The following SLC6A19 variants were observed in gnomAD, a reference collection of about 807,000 sequenced individuals.
SLC6A19 encodes solute carrier family 6 member 19.
Under a neutral mutation model 68.3 loss-of-function variants are expected in SLC6A19, and 67 were observed. That is an observed-to-expected ratio of 0.98 (90% CI 0.81 to 1.20). The LOEUF (loss-of-function observed/expected upper bound fraction) is 1.20. Among genes scored for constraint, SLC6A19 ranks in the 50% most tolerant of loss-of-function variants. The pLI is 0.00. For missense variants in SLC6A19, 813 were observed against 851.6 expected, an observed-to-expected ratio of 0.95 and a Z score of 0.56; for synonymous variants, 392 against 374.9, an observed-to-expected ratio of 1.05 and a Z score of -0.53.
At position 1,222,346 on chromosome 5, in the gene SLC6A19, AC is replaced by A; in HGVS notation, c.*443del. 2.1e-6 allele frequency: 1 copy of A among 483,512 alleles called. No individual in the cohort carries two copies. The highest frequency in any genetic ancestry group is 3.6e-6 in the Non-Finnish European group (1 of 276,954). The allele number at this position is 483,512 out of a possible 1,614,324, so 30.0% of individuals were successfully genotyped here. A position where few individuals can be genotyped will look rare whatever the true frequency, so the allele number is the denominator to read the frequency against. ...CATATGTGTGAACACACACGTGTAT[AC>A]ATGCATGCACATGTGCTCGTACAAT... is the stretch of plus-strand genomic sequence containing the variant. On this transcript the variant is annotated 3_prime_UTR_variant, in exon 12 of 12. Transcript: ENST00000304460.
At position 1,215,486 on chromosome 5, in the gene SLC6A19, C is replaced by T. The variant is rs188869613; in HGVS notation, c.888-1072C>T. ...CTGTGCCTAGTCCGGACATTTCCTG[C>T]GAATGGGGTGGCCACATTGCCACAG... is the stretch of plus-strand genomic sequence containing the variant. On this transcript the variant is annotated intron_variant, in intron 6 of 11. Coordinates refer to ENST00000304460, the MANE Select transcript of SLC6A19 (RefSeq NM_001003841.3). This position sits in a 1 kb window ranked among gnomAD's most constrained non-coding sequence, Gnocchi z 5.1. Among the ~76,000 whole-genome samples, 26 of 152,324 alleles carry T rather than the reference C, an allele frequency of 1.7e-4. No homozygotes were observed. The East Asian group carries it at 4.6e-3, about 27-fold the overall frequency.
intron 8 of SLC6A19, among the ~76,000 whole-genome samples, chr5:1,218,080 C>A (rs568804489): frequency 6.6e-6 from 1 of 152,094 alleles, no homozygotes; most frequent in African/African-American, 2.4e-5. Context: ...CACTGAAGAG[C>A]GGCGTGCCTT....
rs1325505757 is a variant in SLC6A19, at chr5:1,212,854, C to T, written c.663+370C>T. On this transcript the variant is annotated intron_variant, in intron 4 of 11. Transcript: ENST00000304460. This position sits in a 1 kb window ranked among gnomAD's most constrained non-coding sequence, Gnocchi z 5.1. ...TGGAAGAGTAAGGCTTGATCTTCCCCTACATGGGAATCTTTGGTACGAGGT... is the reference window on the plus strand; with the variant it reads ...TGGAAGAGTAAGGCTTGATCTTCCCTTACATGGGAATCTTTGGTACGAGGT... Among the ~76,000 whole-genome samples the T allele has an allele frequency of 6.6e-6, 1 of 152,096 alleles. No individual in the cohort carries two copies. The highest frequency in any genetic ancestry group is 2.4e-5 in the African/African-American group (1 of 41,380).
At position 1,224,002 on chromosome 5, in the gene SLC6A19, C is replaced by A. The variant is rs1199141205; in HGVS notation, c.*2098C>A. The A allele has an allele frequency of 6.6e-6, 1 of 152,298 alleles. No individual in the cohort carries two copies. The allele number at this position is 152,298 out of a possible 1,614,324, so 9.4% of individuals were successfully genotyped here. A position where few individuals can be genotyped will look rare whatever the true frequency, so the allele number is the denominator to read the frequency against. Reference sequence around the variant, plus strand: ...GCCTCTGCCCCCGGCTGTGATGCCACCGAGGGGCTCGCCTGCTGATGGCTT... The same window carrying A: ...GCCTCTGCCCCCGGCTGTGATGCCAACGAGGGGCTCGCCTGCTGATGGCTT... On this transcript the variant is annotated 3_prime_UTR_variant, in exon 12 of 12. Coordinates refer to ENST00000304460, the MANE Select transcript of SLC6A19 (RefSeq NM_001003841.3).
intron 8 of SLC6A19, among the ~76,000 whole-genome samples, chr5:1,217,639 G>A (rs955767365): frequency 5.3e-5 from 8 of 152,204 alleles, no homozygotes; most frequent in African/African-American, 7.2e-5. Flanking sequence ...GGCCTCTCCC[G>A]ACCCTGTGCC....
At chr5:1,202,783 C>T (rs112645551) in intron 1 of SLC6A19, among the ~76,000 whole-genome samples, 2 of 152,180 alleles carry the variant, frequency 1.3e-5, no homozygotes, top group Non-Finnish European at 2.9e-5. Context: ...GTCTCTCACG[C>T]GGGCTTTGTG....
chr5:1,205,407 C>T (rs1745825610), intron 1 of SLC6A19, among the ~76,000 whole-genome samples: 1 of 152,220 alleles, frequency 6.6e-6, no homozygotes, highest in African/African-American at 2.4e-5. Flanking sequence ...CTCCGGGCTG[C>T]ATTTGGGGTG....
intron 8 of SLC6A19, among the ~76,000 whole-genome samples, chr5:1,217,627 G>T (rs557829677): frequency 6.6e-6 from 1 of 152,228 alleles, no homozygotes; most frequent in African/African-American, 2.4e-5. Context: ...AGAGGGCTCC[G>T]CGGCCTCTCC....
At chr5:1,218,209 T>C (rs186571301) in intron 8 of SLC6A19, among the ~76,000 whole-genome samples, 10 of 152,330 alleles carry the variant, frequency 6.6e-5, no homozygotes, top group Non-Finnish European at 1.0e-4. Flanking sequence ...CGCATAGTTG[T>C]GTTAAGCGGC....
intron 5 of SLC6A19, 140 bp downstream of exon 5, chr5:1,213,713 C>T (rs564501627): frequency 9.4e-4 from 1,003 of 1,065,488 alleles, no homozygotes; most frequent in Non-Finnish European, 1.3e-3. Context: ...AGGAGGTCCA[C>T]GGGGCCAGCG....
chr5:1,221,480 G>T (rs924870370), intron 11 of SLC6A19, among the ~76,000 whole-genome samples, 167 bp downstream of exon 11: 12 of 152,128 alleles, frequency 7.9e-5, no homozygotes, highest in Non-Finnish European at 1.6e-4. Context: ...GCATCTTGCT[G>T]GTTCCCCCCT....
rs1327824287 is a variant in SLC6A19, at chr5:1,210,600, C to A, written c.481+19C>A. The A allele has an allele frequency of 6.2e-7, 1 of 1,611,344 alleles. No individual in the cohort carries two copies. Among genetic ancestry groups the A allele is most frequent in the South Asian group, 1.1e-5 (1 of 91,042 alleles). On this transcript the variant is annotated intron_variant, in intron 3 of 11. Transcript: ENST00000304460. ...CAGACAGGTGAGTCCTTGCAAGCAG[C>A]CCCATCCGTCTCACCTGTGAGGCTG... is the stretch of plus-strand genomic sequence containing the variant.
Position 1,224,899 on chromosome 5 carries a change from T to C in SLC6A19, c.*2995T>C, listed in dbSNP as rs928789758. On this transcript the variant is annotated 3_prime_UTR_variant, in exon 12 of 12. Coordinates refer to ENST00000304460, the MANE Select transcript of SLC6A19 (RefSeq NM_001003841.3). ...GCCCTCTGCCCCCACGCACGGTGGG[T>C]GCCTGTCACCCTGTCCTGCCCAGCG... 6.5e-6 allele frequency: 1 copy of C among 154,552 alleles called. No individual in the cohort carries two copies. Among genetic ancestry groups the C allele is most frequent in the Non-Finnish European group, 1.4e-5 (1 of 69,560 alleles). 9.6% of individuals were successfully genotyped at this position (154,552 alleles called of 1,614,324 possible).
In SLC6A19 at chr5:1,209,207, C is replaced by T. The variant is rs1355211063; in HGVS notation, c.343+321C>T. ...GGCGGCGCTCAGCGAGAGCCCAGGGCCCAGGAGGGGGCACCAGCCTCCTGT... is the reference window on the plus strand; with the variant it reads ...GGCGGCGCTCAGCGAGAGCCCAGGGTCCAGGAGGGGGCACCAGCCTCCTGT... On this transcript the variant is annotated intron_variant, in intron 2 of 11. Transcript: ENST00000304460. This position sits in a 1 kb window ranked among gnomAD's most constrained non-coding sequence, Gnocchi z 5.5. Among the ~76,000 whole-genome samples, 1 of 152,118 alleles carries T rather than the reference C, an allele frequency of 6.6e-6. No individual in the cohort carries two copies. The highest frequency in any genetic ancestry group is 1.5e-5 in the Non-Finnish European group (1 of 68,008).
intron 4 of SLC6A19, 32 bp from the exon 5 acceptor site, chr5:1,213,431 C>T (rs765154649): frequency 3.9e-6 from 4 of 1,027,918 alleles, no homozygotes; most frequent in Non-Finnish European, 5.4e-6. Context: ...CCCCCAACTT[C>T]CCGCCCATCC....
Position 1,201,872 on chromosome 5 carries a change from C to G in SLC6A19, c.202+20C>G, listed in dbSNP as rs770185775. The G allele has an allele frequency of 6.2e-7, 1 of 1,603,744 alleles. No homozygotes were observed. The highest frequency in any genetic ancestry group is 1.3e-5 in the African/African-American group (1 of 74,884). Reference sequence around the variant, plus strand: ...GAGGAGGTAGGCTGGCCGGGCGGGGCTGCGGGCGAGGCCGTGGCCAGGGAA... The same window carrying G: ...GAGGAGGTAGGCTGGCCGGGCGGGGGTGCGGGCGAGGCCGTGGCCAGGGAA... On this transcript the variant is annotated intron_variant, in intron 1 of 11. Coordinates refer to ENST00000304460, the MANE Select transcript of SLC6A19 (RefSeq NM_001003841.3).
At chr5:1,207,690 AAAC>A (rs1745894899) in intron 1 of SLC6A19, among the ~76,000 whole-genome samples, 1 of 152,172 alleles carries the variant, frequency 6.6e-6, no homozygotes, top group African/African-American at 2.4e-5. Flanking sequence ...ACTTTCAAAC[AAAC>A]AACTCTCCAG....
intron 8 of SLC6A19, among the ~76,000 whole-genome samples, chr5:1,217,228 C>G (rs1207464747): frequency 1.3e-5 from 2 of 152,266 alleles, no homozygotes; most frequent in Non-Finnish European, 2.9e-5. Context: ...TCCATTCTCT[C>G]CTATCACACA....
intron 8 of SLC6A19, among the ~76,000 whole-genome samples, 177 bp from the exon 9 acceptor site, chr5:1,218,726 A>G (rs1445696262): frequency 1.3e-5 from 2 of 152,206 alleles, no homozygotes; most frequent in Non-Finnish European, 2.9e-5. Context: ...GTCCTGATGC[A>G]TAGTTCGGCT....
Sources: gnomAD v4.1 joint callset for allele counts (sites outside exome capture counted in the v4.1 genomes callset) on GRCh38, gnomAD v4.1.1 for gene constraint, Gnocchi (gnomAD v3.1) non-coding constraint, MANE v1.5 for transcripts, NCBI Gene and HGNC (gene_info 2026-07-23, HGNC 2026-07-21) for gene names.